The following DNAH3 variants were observed in gnomAD, a reference collection of about 807,000 sequenced individuals.
The protein encoded by DNAH3 is axonemal beta dynein heavy chain 3.
Under a neutral mutation model 432.5 loss-of-function variants are expected in DNAH3, and 332 were observed. The observed-to-expected ratio is 0.77, with a 90% CI of 0.70 to 0.84. The LOEUF is 0.84. DNAH3 is among the 40% of genes least tolerant of loss of function. DNAH3 has a pLI of 0.00. For synonymous variants in DNAH3, 1,956 were observed against 1,900.2 expected (o/e 1.03, Z -0.76); for missense variants, 4,861 against 5,114.0 (o/e 0.95, Z 1.51).
chr16:21,046,192 C>T (rs1182058336), intron 31 of DNAH3, among the ~76,000 whole-genome samples: 24 of 135,142 alleles, frequency 1.8e-4, no homozygotes, highest in Admixed American at 1.2e-3. Flanking sequence ...CTATTAGGTC[C>T]GCTTGGTGCA....
At chr16:20,987,638 C>T in intron 46 of DNAH3, 55 bp downstream of exon 46, 1 of 1,591,970 alleles carries the variant, frequency 6.3e-7, no homozygotes, top group Non-Finnish European at 8.6e-7. Context: ...ACTACATGTT[C>T]TATGTAGCCA....
chr16:20,986,453 G>A (rs1401534589), intron 47 of DNAH3, among the ~76,000 whole-genome samples: 1 of 152,102 alleles, frequency 6.6e-6, no homozygotes, highest in East Asian at 1.9e-4. Flanking sequence ...GCTGCAGTGT[G>A]CTATGATCAT....
chr16:20,979,217 G>T, intron 50 of DNAH3, 113 bp downstream of exon 50: 2 of 883,072 alleles, frequency 2.3e-6, no homozygotes, highest in East Asian at 2.6e-5. Flanking sequence ...GCAAATGCAG[G>T]GTCACATTCT....
intron 6 of DNAH3, among the ~76,000 whole-genome samples, chr16:21,135,513 C>A (rs1287681037): frequency 6.6e-6 from 1 of 151,948 alleles, no homozygotes; most frequent in Non-Finnish European, 1.5e-5. Context: ...GCCAACATGG[C>A]GAAACCTTGT....
At chr16:21,036,714 C>A in exon 35 of DNAH3, 2 of 1,613,878 alleles carry the variant, frequency 1.2e-6, no homozygotes, top group East Asian at 4.5e-5. Flanking sequence ...AGGAACCAAC[C>A]TGGATAATTT....
exon 43 of DNAH3, chr16:21,000,491 C>G (rs1290709255): frequency 6.2e-7 from 1 of 1,610,820 alleles, no homozygotes; most frequent in Non-Finnish European, 8.5e-7. Flanking sequence ...CGGGCTGTCT[C>G]CATTGTGGGG....
intron 16 of DNAH3, among the ~76,000 whole-genome samples, chr16:21,099,981 C>G (rs1225868277): frequency 6.6e-6 from 1 of 152,184 alleles, no homozygotes; most frequent in Non-Finnish European, 1.5e-5. Context: ...GCTATAGTGA[C>G]ATTTCATAAA....
chr16:21,115,232 G>A (rs541391024), intron 12 of DNAH3, among the ~76,000 whole-genome samples: 7 of 152,176 alleles, frequency 4.6e-5, no homozygotes, highest in African/African-American at 1.4e-4. Context: ...TCACACACCG[G>A]GGCCTGTCAT....
intron 57 of DNAH3, among the ~76,000 whole-genome samples, chr16:20,945,577 G>A (rs953427657): frequency 1.3e-5 from 2 of 151,268 alleles, no homozygotes; most frequent in East Asian, 1.9e-4. Context: ...TGTAACCTCC[G>A]CCTCCTGGAT....
In DNAH3 at chr16:20,954,977, G is replaced by T. The variant is rs138563227; in HGVS notation, c.10907C>A (p.Pro3636His). Residue 3636 changes from proline to histidine, a missense_variant, in exon 55 of 62, where the codon CCC (proline) becomes CAC (histidine). By Grantham distance (77) the Pro-to-His change is moderately conservative (BLOSUM62 -2). Coordinates refer to ENST00000261383, the Ensembl canonical transcript of DNAH3. The stretch of plus-strand genomic sequence containing the variant: ...CAACAGGTTGGCCCGGAGCCCTTTG[G>T]GGGGCTCATTGGTCATTTTGATTCC... 100 of 1,614,128 alleles carry T rather than the reference G, an allele frequency of 6.2e-5. No individual in the cohort carries two copies. The East Asian group carries it at 1.0e-3, about 17-fold the overall frequency.
At chr16:21,095,710 T>C (rs1388897409) in intron 18 of DNAH3, among the ~76,000 whole-genome samples, 5 of 152,178 alleles carry the variant, frequency 3.3e-5, no homozygotes, top group African/African-American at 1.2e-4. Context: ...AAAAATAAAA[T>C]GTAAAATGTT....
intron 24 of DNAH3, among the ~76,000 whole-genome samples, chr16:21,065,226 T>C (rs2090504457): frequency 6.6e-6 from 1 of 152,086 alleles, no homozygotes; most frequent in Non-Finnish European, 1.5e-5. Context: ...AGTGGCACCA[T>C]CTCGGCTCAC....
At chr16:20,940,421 G>A (rs1028778321) in intron 59 of DNAH3, among the ~76,000 whole-genome samples, 36 of 151,898 alleles carry the variant, frequency 2.4e-4, no homozygotes, top group African/African-American at 8.0e-4. Flanking sequence ...TATTTCAAAA[G>A]ACTATTGTGT....
At chr16:21,031,351 T>C in intron 36 of DNAH3, 65 bp from the exon 37 acceptor site, 1 of 1,581,520 alleles carries the variant, frequency 6.3e-7, no homozygotes, top group Non-Finnish European at 8.6e-7. Flanking sequence ...AAACAAGAGA[T>C]GATGTCATCT....
chr16:20,998,761 AAAG>A (rs2086879885), intron 43 of DNAH3, among the ~76,000 whole-genome samples: 1 of 143,912 alleles, frequency 6.9e-6, no homozygotes, highest in East Asian at 2.3e-4. Flanking sequence ...AAAAAAAAAA[AAAG>A]GGGGGGGCTC....
At chr16:20,975,960 G>A (rs2085568703) in intron 50 of DNAH3, among the ~76,000 whole-genome samples, 1 of 152,096 alleles carries the variant, frequency 6.6e-6, no homozygotes, top group Non-Finnish European at 1.5e-5. Context: ...GGTCAAGCTG[G>A]TCTAGAACTC....
chr16:21,137,423 CTTTT>C (rs560633047), intron 5 of DNAH3, among the ~76,000 whole-genome samples: 6 of 137,238 alleles, frequency 4.4e-5, no homozygotes, highest in Non-Finnish European at 4.7e-5. Flanking sequence ...TATTGTTGTT[CTTTT>C]TTTTTTTTTT....
chr16:21,089,430 T>C (rs1336788886), intron 18 of DNAH3, among the ~76,000 whole-genome samples: 6 of 152,162 alleles, frequency 3.9e-5, no homozygotes, highest in Non-Finnish European at 7.4e-5. Context: ...TTATTGCAAA[T>C]AGAACACTTA....
chr16:21,120,729 G>A (rs753008420), intron 11 of DNAH3: 40 of 1,597,768 alleles, frequency 2.5e-5, no homozygotes, highest in Non-Finnish European at 1.7e-5. Context: ...ATGTAGTACC[G>A]GCCCTGGTAC....
Sources: gnomAD v4.1 joint callset for allele counts (sites outside exome capture counted in the v4.1 genomes callset) on GRCh38, gnomAD v4.1.1 for gene constraint, MANE v1.5 for transcripts, NCBI Gene and HGNC (gene_info 2026-07-23, HGNC 2026-07-21) for gene names.